The following ARHGAP24 variants were observed in gnomAD, a reference collection of about 807,000 sequenced individuals.
ARHGAP24 encodes rho GTPase-activating protein 24.
In ARHGAP24, 50 loss-of-function variants were observed where a neutral mutation model predicts 76.4. The observed-to-expected ratio is 0.65, with a 90% CI of 0.52 to 0.83. ARHGAP24 has a LOEUF of 0.83. Ranked by LOEUF, ARHGAP24 falls within the 40% of genes least tolerant of loss-of-function variation. ARHGAP24 has a pLI of 0.00. For missense variants in ARHGAP24, 930 were observed against 914.2 expected (o/e 1.02, Z -0.22); for synonymous variants, 345 against 323.3 (o/e 1.07, Z -0.72).
At chr4:85,576,873 C>T (rs1413055426) in intron 2 of ARHGAP24, among the ~76,000 whole-genome samples, 2 of 152,084 alleles carry the variant, frequency 1.3e-5, no homozygotes, top group Non-Finnish European at 2.9e-5. Flanking sequence ...AATCTTAGCT[C>T]ATATAGTTAC....
chr4:85,475,456 T>C lies in ARHGAP24; in HGVS notation c.-124T>C, dbSNP rs1228146234. On this transcript the variant is annotated 5_prime_UTR_variant, in exon 1 of 10. Transcript: ENST00000395184. Reference sequence around the variant, plus strand: ...CCTTGTTGTGGAAAGTAAAGGAGCCTCACTACCACCTTTTTTTCTTTGCGT... The same window carrying C: ...CCTTGTTGTGGAAAGTAAAGGAGCCCCACTACCACCTTTTTTTCTTTGCGT... 2.0e-5 allele frequency: 3 copies of C among 152,628 alleles called. No homozygotes were observed. Among genetic ancestry groups the C allele is most frequent in the Middle Eastern group, 3.1e-3 (1 of 318 alleles). The allele number at this position is 152,628 out of a possible 1,614,324, so 9.5% of individuals were successfully genotyped here.
chr4:85,643,234 GTTTTTTTTTTTTTTTTTTTTTTTT>G (rs70948741), intron 2 of ARHGAP24, among the ~76,000 whole-genome samples: 2 of 54,610 alleles, frequency 3.7e-5, no homozygotes, highest in Non-Finnish European at 6.6e-5. Flanking sequence ...GTTTTTTTGT[GTTTTTTTTTTTTTTTTTTTTTTTT>G]TTTTTTTTTT....
rs1229169885 is a variant in ARHGAP24, at chr4:85,476,533, A to G, written c.-21+974A>G. Among the ~76,000 whole-genome samples the G allele has an allele frequency of 3.9e-5, 6 of 152,226 alleles. No individual in the cohort carries two copies. In the South Asian group the frequency reaches 6.2e-4, roughly 16 times the overall value. On this transcript the variant is annotated intron_variant, in intron 1 of 9. Transcript: ENST00000395184. ...TAAAAGTTGTTAAGGCTTTGCTTATACATAAATACATAAATAAAACAATAT... is the reference window on the plus strand; with the variant it reads ...TAAAAGTTGTTAAGGCTTTGCTTATGCATAAATACATAAATAAAACAATAT...
chr4:85,694,266 G>T (rs555044581), intron 2 of ARHGAP24, among the ~76,000 whole-genome samples: 1 of 151,874 alleles, frequency 6.6e-6, no homozygotes, highest in Non-Finnish European at 1.5e-5. Context: ...GAGAAACTAC[G>T]GGATTGTTCA....
intron 2 of ARHGAP24, among the ~76,000 whole-genome samples, chr4:85,650,037 T>C (rs1288225972): frequency 7.9e-5 from 12 of 152,152 alleles, no homozygotes; most frequent in Non-Finnish European, 1.8e-4. Flanking sequence ...TTCTTTGCAC[T>C]ACACCAACTC....
intron 3 of ARHGAP24, among the ~76,000 whole-genome samples, chr4:85,793,919 A>T (rs1728234584): frequency 6.6e-6 from 1 of 152,234 alleles, no homozygotes; most frequent in African/African-American, 2.4e-5. Flanking sequence ...AAGAGAATTT[A>T]CTAAGGCATC....
At chr4:85,970,075 A>G (rs997657072) in intron 5 of ARHGAP24, among the ~76,000 whole-genome samples, 4 of 152,168 alleles carry the variant, frequency 2.6e-5, no homozygotes, top group South Asian at 2.1e-4. Context: ...AGAGACCCCA[A>G]TGTCAAAATG....
intron 2 of ARHGAP24, among the ~76,000 whole-genome samples, chr4:85,671,212 A>G (rs1722805308): frequency 6.6e-6 from 1 of 152,090 alleles, no homozygotes; most frequent in South Asian, 2.1e-4. Flanking sequence ...CTACCTCTAA[A>G]TAGCCTTTCC....
intron 1 of ARHGAP24, among the ~76,000 whole-genome samples, chr4:85,501,741 C>G (rs573673639): frequency 6.6e-6 from 1 of 152,188 alleles, no homozygotes; most frequent in South Asian, 2.1e-4. Flanking sequence ...TCCCATTTGT[C>G]TATTTTGGCT....
intron 3 of ARHGAP24, among the ~76,000 whole-genome samples, chr4:85,839,848 T>TA (rs1257568634): frequency 7.9e-6 from 1 of 127,298 alleles, no homozygotes; most frequent in East Asian, 2.2e-4. Context: ...GTTTTCTTTT[T>TA]TTTTTTTTTT....
intron 1 of ARHGAP24, among the ~76,000 whole-genome samples, chr4:85,505,619 T>A (rs1724012281): frequency 6.6e-6 from 1 of 152,072 alleles, no homozygotes; most frequent in African/African-American, 2.4e-5. Flanking sequence ...GTTAGCCATT[T>A]GTCTAACCTT....
intron 1 of ARHGAP24, among the ~76,000 whole-genome samples, chr4:85,509,901 T>C (rs1724208451): frequency 6.6e-6 from 1 of 152,154 alleles, no homozygotes; most frequent in African/African-American, 2.4e-5. Context: ...ATTCTGTTTA[T>C]TACTAGGAAG....
At chr4:85,655,924 A>G (rs1034501706) in intron 2 of ARHGAP24, among the ~76,000 whole-genome samples, 6 of 151,892 alleles carry the variant, frequency 4.0e-5, no homozygotes, top group African/African-American at 1.4e-4. Context: ...AAAGTTCTCT[A>G]TGAGAATAAA....
At chr4:85,991,323 A>G (rs1740306188) in intron 8 of ARHGAP24, 1 of 152,140 alleles carries the variant, frequency 6.6e-6, no homozygotes, top group African/African-American at 2.4e-5. Context: ...TTAAATATGC[A>G]GTAACCGTAA....
chr4:85,939,125 T>G (rs1351466941), intron 4 of ARHGAP24, among the ~76,000 whole-genome samples: 2 of 152,212 alleles, frequency 1.3e-5, no homozygotes. Flanking sequence ...ATGCAAGGAA[T>G]GGTGGTGCCT....
intron 8 of ARHGAP24, chr4:85,992,309 T>C: frequency 5.1e-6 from 2 of 389,430 alleles, no homozygotes; most frequent in East Asian, 7.2e-5. Context: ...TGGCCATTTA[T>C]TGTCCCAGAG....
At position 85,994,642 on chromosome 4, in the gene ARHGAP24, C is replaced by T. The variant is rs1434575301; in HGVS notation, c.988C>T (p.Pro330Ser). 2 of 1,614,174 alleles carry T rather than the reference C, an allele frequency of 1.2e-6. No individual in the cohort carries two copies. The highest frequency in any genetic ancestry group is 4.5e-5 in the East Asian group (2 of 44,878). ...VMISKHDCLF[P>S]KDAELQSKPQ... is the part of the protein sequence containing the mutation. Reference sequence around the variant, plus strand: ...GATTAGCAAACATGATTGCCTCTTTCCCAAAGATGCAGAACTACAAAGCAA... The same window carrying T: ...GATTAGCAAACATGATTGCCTCTTTTCCAAAGATGCAGAACTACAAAGCAA... The change falls in exon 9 of 10, where the codon CCC becomes TCC. Residue 330 changes from proline (P) to serine (S), a missense_variant. Coordinates refer to ENST00000395184, the MANE Select transcript of ARHGAP24 (RefSeq NM_001025616.3).
intron 5 of ARHGAP24, among the ~76,000 whole-genome samples, chr4:85,952,496 A>C (rs1291205481): frequency 6.6e-6 from 1 of 152,254 alleles, no homozygotes; most frequent in Non-Finnish European, 1.5e-5. Flanking sequence ...GAGAAGAAAC[A>C]CTTTGTCCTG....
Position 85,541,142 on chromosome 4 carries a change from C to CTTTTTTTTTTTTTT in ARHGAP24, c.-20-29364_-20-29351dup, listed in dbSNP as rs70948733. On this transcript the variant is annotated intron_variant, in intron 1 of 9. Coordinates refer to ENST00000395184, the MANE Select transcript of ARHGAP24 (RefSeq NM_001025616.3). ...TGTGTCTTCTGCTAGCATCCATGACCTTTTTTTTTTTTTTTTTTTTTTTTT... is the reference window on the plus strand; with the variant it reads ...TGTGTCTTCTGCTAGCATCCATGACCTTTTTTTTTTTTTTTTTTTTTTTTTTTTTTTTTTTTTTT... 9.4e-4 allele frequency among the ~76,000 whole-genome samples: 47 copies of CTTTTTTTTTTTTTT among 49,772 alleles called. 4 individuals carry two copies. Among genetic ancestry groups the CTTTTTTTTTTTTTT allele is most frequent in the African/African-American group, 2.9e-3 (27 of 9,340 alleles). The allele number at this position is 49,772 out of a possible 152,430, so 32.7% of individuals were successfully genotyped here. A position where few individuals can be genotyped will look rare whatever the true frequency, so the allele number is the denominator to read the frequency against.
Sources: allele counts gnomAD v4.1 joint callset (sites outside exome capture counted in the v4.1 genomes callset), GRCh38; gene constraint gnomAD v4.1.1; transcripts MANE v1.5; gene names NCBI Gene and HGNC (gene_info 2026-07-23, HGNC 2026-07-21).